PGLYRP4: variants seen among roughly 807,000 people sequenced by gnomAD.
PGLYRP4 encodes peptidoglycan recognition protein 4, also known as PGRP-I-beta.
PGLYRP4 carries 39 observed loss-of-function variants against 41.2 expected under a neutral mutation model. The observed-to-expected ratio is 0.95, with a 90% CI of 0.73 to 1.24. PGLYRP4 has a LOEUF of 1.24. Among genes scored for constraint, PGLYRP4 ranks in the 50% most tolerant of loss-of-function variants. The pLI is 0.00. For synonymous variants in PGLYRP4, 202 were observed against 186.8 expected (o/e 1.08, Z -0.66); for missense variants, 467 against 460.7 (o/e 1.01, Z -0.13).
intron 2 of PGLYRP4, 113 bp downstream of exon 2, chr1:153,347,771 G>A: frequency 1.3e-6 from 1 of 773,432 alleles, no homozygotes; most frequent in South Asian, 1.5e-5. Context: ...TCGGCTCACT[G>A]CAGCCTTGAA....
At chr1:153,347,754 T>C (rs557950359) in intron 2 of PGLYRP4, 130 bp downstream of exon 2, 2 of 699,976 alleles carry the variant, frequency 2.9e-6, no homozygotes, top group East Asian at 5.5e-5. Context: ...AGTGCAGTGG[T>C]GGGATCTCGG....
At chr1:153,331,858 A>G (rs1660350840) in intron 8 of PGLYRP4, 1 of 152,364 alleles carries the variant, frequency 6.6e-6, no homozygotes, top group South Asian at 2.1e-4. Context: ...CTATCATAAA[A>G]ACATATGAAA....
chr1:153,347,499 G>A (rs562634139), intron 2 of PGLYRP4, among the ~76,000 whole-genome samples: 6 of 151,820 alleles, frequency 4.0e-5, no homozygotes, highest in South Asian at 2.1e-4. Context: ...CCTCCCTCCT[G>A]AGTAGCTGGA....
chr1:153,343,551 C>G lies in PGLYRP4; in HGVS notation c.354-343G>C, dbSNP rs375120988. 2.6e-5 allele frequency among the ~76,000 whole-genome samples: 4 copies of G among 152,312 alleles called. No homozygotes were observed. The East Asian group carries it at 5.8e-4, about 22-fold the overall frequency. On this transcript the variant is annotated intron_variant, in intron 4 of 8. Coordinates refer to ENST00000359650, the MANE Select transcript of PGLYRP4 (RefSeq NM_020393.4). Reference sequence around the variant, plus strand: ...CTTCCACGCTTCCTTAAACCGGGCTCTCCTACCTCCTCCAAAGTGTGTGCT... The same window carrying G: ...CTTCCACGCTTCCTTAAACCGGGCTGTCCTACCTCCTCCAAAGTGTGTGCT...
At chr1:153,347,562 C>T (rs971818607) in intron 2 of PGLYRP4, among the ~76,000 whole-genome samples, 5 of 147,540 alleles carry the variant, frequency 3.4e-5, no homozygotes, top group Middle Eastern at 4.1e-3. Flanking sequence ...TTAGTAGAGA[C>T]GTGGTTTCAC....
chr1:153,336,143 C>T (rs939021551), intron 8 of PGLYRP4, among the ~76,000 whole-genome samples: 1 of 151,324 alleles, frequency 6.6e-6, no homozygotes, highest in African/African-American at 2.4e-5. Flanking sequence ...GAGGCCGAGA[C>T]GGGAGGATCA....
rs1404149134 is a variant in PGLYRP4 at position 153,341,616 on chromosome 1, A to G, written c.625+11T>C. The stretch of plus-strand genomic sequence containing the variant: ...AGTGGCAGGCCCAGTAGGGCTGAAG[A>G]AAGGTCTTACCCTTCTTCAGGCTTG... On this transcript the variant is annotated intron_variant, in intron 6 of 8. Transcript: ENST00000359650. 4 of 1,607,264 alleles carry G rather than the reference A, an allele frequency of 2.5e-6. No homozygotes were observed. Among genetic ancestry groups the G allele is most frequent in the Non-Finnish European group, 3.4e-6 (4 of 1,177,276 alleles).
chr1:153,332,170 T>C (rs1660365934), intron 8 of PGLYRP4, among the ~76,000 whole-genome samples: 1 of 151,898 alleles, frequency 6.6e-6, no homozygotes, highest in African/African-American at 2.4e-5. Context: ...TGCTACACTA[T>C]ATCAAGTAAA....
chr1:153,332,149 G>C (rs947621656), intron 8 of PGLYRP4, among the ~76,000 whole-genome samples: 1 of 151,912 alleles, frequency 6.6e-6, no homozygotes, highest in Non-Finnish European at 1.5e-5. Flanking sequence ...AAACCAAAAA[G>C]GAGGAGGAGT....
At chr1:153,335,721 CTAAATAAATAAATAAA>C (rs71584104) in intron 8 of PGLYRP4, among the ~76,000 whole-genome samples, 8 of 37,024 alleles carry the variant, frequency 2.2e-4, no homozygotes, top group Non-Finnish European at 3.6e-4. Context: ...AAGACTCTGT[CTAAATAAATAAATAAA>C]TAAATAAATA....
intron 8 of PGLYRP4, among the ~76,000 whole-genome samples, chr1:153,333,668 C>T (rs1379353130): frequency 1.3e-5 from 2 of 152,226 alleles, no homozygotes; most frequent in East Asian, 3.9e-4. Context: ...AAGTTCACAA[C>T]AAAAATCTAG....
chr1:153,337,890 T>C lies in PGLYRP4; in HGVS notation c.825-591A>G, dbSNP rs150516276. 5.1e-4 allele frequency among the ~76,000 whole-genome samples: 77 copies of C among 152,168 alleles called. No individual in the cohort carries two copies. The South Asian group carries it at 5.4e-3, about 11-fold the overall frequency. On this transcript the variant is annotated intron_variant, in intron 7 of 8. Coordinates refer to ENST00000359650, the MANE Select transcript of PGLYRP4 (RefSeq NM_020393.4). Reference sequence around the variant, plus strand: ...CTCTTGACTTCTCCAAACACTCTCTTCCCTTAGCTTCCATCACACCACACT... The same window carrying C: ...CTCTTGACTTCTCCAAACACTCTCTCCCCTTAGCTTCCATCACACCACACT...
At position 153,340,318 on chromosome 1, in the gene PGLYRP4, C is replaced by T. The variant is rs1571134960; in HGVS notation, c.824+63G>A. ...TAAATATTAGTTCCCTTTCCCCTTC[C>T]TTTCAAAGGCTCAGTTTCTGCCCCC... On this transcript the variant is annotated intron_variant, in intron 7 of 8. Transcript: ENST00000359650. The T allele has an allele frequency of 3.4e-6, 5 of 1,455,646 alleles. No homozygotes were observed. In the East Asian group the frequency reaches 6.8e-5, roughly 20 times the overall value. 90.2% of individuals were successfully genotyped at this position (1,455,646 alleles called of 1,614,324 possible). A position where few individuals can be genotyped will look rare whatever the true frequency, so the allele number is the denominator to read the frequency against.
At chr1:153,334,908 C>T (rs946301327) in intron 8 of PGLYRP4, among the ~76,000 whole-genome samples, 13 of 152,114 alleles carry the variant, frequency 8.5e-5, no homozygotes, top group African/African-American at 3.1e-4. Flanking sequence ...CACATAGCTA[C>T]ACACAACTGA....
intron 8 of PGLYRP4, among the ~76,000 whole-genome samples, chr1:153,335,050 T>C (rs1489105910): frequency 6.6e-6 from 1 of 152,120 alleles, no homozygotes; most frequent in Non-Finnish European, 1.5e-5. Context: ...TAACTCAAGA[T>C]GGATTAAAGA....
At chr1:153,341,833 C>G (rs1660816937) in intron 5 of PGLYRP4, 54 bp from the exon 6 acceptor site, 10 of 1,560,994 alleles carry the variant, frequency 6.4e-6, no homozygotes, top group South Asian at 4.7e-5. Flanking sequence ...TTCAGGGGAT[C>G]TTTTGGGGAA....
intron 4 of PGLYRP4, among the ~76,000 whole-genome samples, chr1:153,344,638 G>T (rs1423291588): frequency 6.6e-6 from 1 of 152,206 alleles, no homozygotes; most frequent in Non-Finnish European, 1.5e-5. Flanking sequence ...ATGGGCACCA[G>T]TACGACCTAC....
intron 8 of PGLYRP4, chr1:153,331,796 A>G (rs935491445): frequency 2.0e-5 from 3 of 152,374 alleles, no homozygotes; most frequent in Admixed American, 6.5e-5. Context: ...GGCTGGTCCT[A>G]TAAGAAATGC....
chr1:153,340,559 G>C lies in PGLYRP4; in HGVS notation c.646C>G (p.Arg216Gly). The change falls in exon 7 of 9, where the codon CGG becomes GGG. Residue 216 changes from arginine to glycine, a missense_variant. Physicochemically the swap from Arg to Gly is moderately radical, Grantham distance 125. Coordinates refer to ENST00000359650, the MANE Select transcript of PGLYRP4 (RefSeq NM_020393.4). ...LKKACPGVVP[R>G]SVWGARETHC... is the part of the protein sequence containing the mutation. ...GTCTCCCTGGCTCCCCACACAGACC[G>C]TGGGACAACGCCGGGGCAAGCTGAG... 6.2e-7 allele frequency: 1 copy of C among 1,613,978 alleles called. No homozygotes were observed. Among genetic ancestry groups the C allele is most frequent in the Non-Finnish European group, 8.5e-7 (1 of 1,180,002 alleles).
Sources: gnomAD v4.1 joint callset for allele counts (sites outside exome capture counted in the v4.1 genomes callset) on GRCh38, gnomAD v4.1.1 for gene constraint, MANE v1.5 for transcripts, NCBI Gene and HGNC (gene_info 2026-07-23, HGNC 2026-07-21) for gene names.